DYNC2H1: variants seen among roughly 807,000 people sequenced by gnomAD.
DYNC2H1 encodes the protein cytoplasmic dynein 2 heavy chain 1.
A neutral mutation model predicts 570.0 loss-of-function variants in DYNC2H1; 410 were observed. The observed-to-expected ratio is 0.72, with a 90% CI of 0.66 to 0.78. The LOEUF is 0.78. Among genes scored for constraint, DYNC2H1 ranks in the 30% least tolerant of loss-of-function variants. DYNC2H1 has a pLI of 0.00. For synonymous variants in DYNC2H1, 1,688 were observed against 1,677.6 expected, an observed-to-expected ratio of 1.01 and a Z score of -0.15; for missense variants, 4,865 against 5,046.4, an observed-to-expected ratio of 0.96 and a Z score of 1.09.
At chr11:103,437,667 A>G (rs1451595007) in intron 85 of DYNC2H1, among the ~76,000 whole-genome samples, 1 of 152,176 alleles carries the variant, frequency 6.6e-6, no homozygotes, top group Admixed American at 6.6e-5. Context: ...GAGAAAGTCT[A>G]TTAGTGATCT....
intron 31 of DYNC2H1, among the ~76,000 whole-genome samples, chr11:103,167,161 T>C (rs1861355860): frequency 6.6e-6 from 1 of 152,048 alleles, no homozygotes; most frequent in Non-Finnish European, 1.5e-5. Context: ...TATTTATATT[T>C]TTTATTCCTT....
At chr11:103,158,372 C>A (rs1180130488) in intron 26 of DYNC2H1, among the ~76,000 whole-genome samples, 1 of 152,192 alleles carries the variant, frequency 6.6e-6, no homozygotes, top group East Asian at 1.9e-4. Context: ...TGTCAGGAAC[C>A]CAGGAGGCGG....
chr11:103,445,125 T>C (rs1288828809), intron 85 of DYNC2H1, among the ~76,000 whole-genome samples: 1 of 152,188 alleles, frequency 6.6e-6, no homozygotes, highest in Non-Finnish European at 1.5e-5. Context: ...AAATAAATAA[T>C]GCCTGTAAAA....
chr11:103,204,985 A>G lies in DYNC2H1; in HGVS notation c.8454+21A>G. ...AGAAAGTAAGTTTAACAAATATTAA[A>G]AAATTTAAAAGCACATTTTATTTTT... On this transcript the variant is annotated intron_variant, in intron 52 of 88. Transcript: ENST00000375735. The surrounding 1 kb of genome is among the most constrained non-coding windows in gnomAD (Gnocchi z 4.1). 1 of 1,538,818 alleles carries G rather than the reference A, an allele frequency of 6.5e-7. No homozygotes were observed. The highest frequency in any genetic ancestry group is 1.3e-5 in the South Asian group (1 of 79,842).
intron 31 of DYNC2H1, among the ~76,000 whole-genome samples, chr11:103,168,311 C>G (rs1293052675): frequency 2.6e-5 from 4 of 152,128 alleles, no homozygotes; most frequent in Non-Finnish European, 5.9e-5. Flanking sequence ...TGGGTATGGC[C>G]CTAGCGTTGC....
chr11:103,223,582 T>G (rs1863680721), intron 59 of DYNC2H1, among the ~76,000 whole-genome samples: 4 of 151,476 alleles, frequency 2.6e-5, no homozygotes, highest in South Asian at 2.1e-4. Context: ...GAGACTAAAA[T>G]AACATGTTGG....
At chr11:103,337,294 C>G (rs11225725) in intron 82 of DYNC2H1, among the ~76,000 whole-genome samples, 32,991 of 152,114 alleles carry the variant, frequency 0.22, 3,724 homozygotes, top group Admixed American at 0.31. Context: ...GTTCGAGGCT[C>G]TCAGCTCTGA....
In DYNC2H1 at chr11:103,369,147, C is replaced by T. The variant is rs192578487; in HGVS notation, c.12156+10788C>T. On this transcript the variant is annotated intron_variant, in intron 83 of 88. Coordinates refer to ENST00000375735, the MANE Select transcript of DYNC2H1 (RefSeq NM_001377.3). The surrounding 1 kb of genome is among the most constrained non-coding windows in gnomAD (Gnocchi z 4.0). ...AGCAGCAGTGGCATGGCATGGAGAG[C>T]GTTTTGGTGCACTGGGGAGAGGGAG... Among the ~76,000 whole-genome samples, 4 of 152,156 alleles carry T rather than the reference C, an allele frequency of 2.6e-5. No homozygotes were observed. The highest frequency in any genetic ancestry group is 3.9e-4 in the East Asian group (2 of 5,172).
At chr11:103,423,187 A>T (rs1943547728) in intron 84 of DYNC2H1, among the ~76,000 whole-genome samples, 1 of 152,052 alleles carries the variant, frequency 6.6e-6, no homozygotes, top group South Asian at 2.1e-4. Context: ...AATCAATGGA[A>T]TGAAGATCAG....
At chr11:103,333,954 T>A (rs1333313294) in intron 82 of DYNC2H1, among the ~76,000 whole-genome samples, 1 of 152,204 alleles carries the variant, frequency 6.6e-6, no homozygotes, top group African/African-American at 2.4e-5. Flanking sequence ...TTTTATCTCT[T>A]TCTTTTAAAT....
At chr11:103,431,710 A>G (rs534816) in intron 84 of DYNC2H1, among the ~76,000 whole-genome samples, 84,221 of 151,946 alleles carry the variant, frequency 0.55, 23,958 homozygotes, top group East Asian at 0.72. Flanking sequence ...CAAACTCTTG[A>G]AAAGCATTTT....
At chr11:103,131,089 C>G (rs767441587) in intron 13 of DYNC2H1, among the ~76,000 whole-genome samples, 10 of 152,062 alleles carry the variant, frequency 6.6e-5, no homozygotes, top group Non-Finnish European at 1.3e-4. Context: ...CTTCATTGTC[C>G]CCTTCAAGTG....
At chr11:103,196,588 G>C (rs536127335) in intron 47 of DYNC2H1, among the ~76,000 whole-genome samples, 1 of 152,150 alleles carries the variant, frequency 6.6e-6, no homozygotes, top group South Asian at 2.1e-4. Flanking sequence ...TAATTTAACT[G>C]ACAAAAAAAG....
intron 84 of DYNC2H1, among the ~76,000 whole-genome samples, chr11:103,428,393 C>T (rs1943758300): frequency 6.6e-6 from 1 of 152,028 alleles, no homozygotes; most frequent in South Asian, 2.1e-4. Context: ...ATAACAAAAA[C>T]TATCTAACAT....
At chr11:103,251,505 T>C (rs1008070814) in intron 65 of DYNC2H1, among the ~76,000 whole-genome samples, 4 of 152,246 alleles carry the variant, frequency 2.6e-5, no homozygotes, top group Non-Finnish European at 5.9e-5. Context: ...AATTAACATA[T>C]CTATCAATTT....
Position 103,249,001 on chromosome 11 carries a change from A to G in DYNC2H1, c.10042+3627A>G, listed in dbSNP as rs1864729687. On this transcript the variant is annotated intron_variant, in intron 65 of 88. Transcript: ENST00000375735. The surrounding 1 kb of genome is among the most constrained non-coding windows in gnomAD (Gnocchi z 4.6). ...GAGACCAACTCTTGTACCTTGCCCA[A>G]TCATGCTGTCTTTAGTTATCTAAAG... Among the ~76,000 whole-genome samples the G allele has an allele frequency of 6.6e-6, 1 of 152,058 alleles. No homozygotes were observed. Among genetic ancestry groups the G allele is most frequent in the Admixed American group, 6.6e-5 (1 of 15,220 alleles).
intron 57 of DYNC2H1, among the ~76,000 whole-genome samples, chr11:103,221,581 A>G: frequency 6.6e-6 from 1 of 152,152 alleles, no homozygotes; most frequent in Non-Finnish European, 1.5e-5. Context: ...GTCTACGAAA[A>G]GTCGATAATA....
At chr11:103,347,404 A>T (rs1002662813) in intron 82 of DYNC2H1, among the ~76,000 whole-genome samples, 3 of 151,388 alleles carry the variant, frequency 2.0e-5, no homozygotes, top group Middle Eastern at 3.4e-3. Context: ...TGGGAGAAGT[A>T]ATGGCATTAT....
At chr11:103,311,015 G>C (rs1185347363) in intron 78 of DYNC2H1, among the ~76,000 whole-genome samples, 1 of 151,824 alleles carries the variant, frequency 6.6e-6, no homozygotes, top group East Asian at 1.9e-4. Context: ...TTTTAAAGAA[G>C]AAGGTCGTTT....
Sources: allele counts gnomAD v4.1 joint callset (sites outside exome capture counted in the v4.1 genomes callset), GRCh38; gene constraint gnomAD v4.1.1; non-coding constraint Gnocchi (gnomAD v3.1); transcripts MANE v1.5; gene names NCBI Gene and HGNC (gene_info 2026-07-23, HGNC 2026-07-21).